The following GK5 variants were observed in gnomAD, a reference collection of about 807,000 sequenced individuals.
GK5 encodes the protein glycerol kinase 5.
A neutral mutation model predicts 77.3 loss-of-function variants in GK5; 39 were observed. That is an observed-to-expected ratio of 0.50 (90% CI 0.39 to 0.66). The LOEUF (loss-of-function observed/expected upper bound fraction) is 0.66, where lower values mean the gene tolerates loss of function less well. Among genes scored for constraint, GK5 ranks in the 30% least tolerant of loss-of-function variants. The pLI, the probability that GK5 is intolerant of heterozygous loss-of-function variation, is 0.00. For synonymous variants in GK5, 211 were observed against 208.0 expected (o/e 1.01, Z -0.13); for missense variants, 487 against 633.8 (o/e 0.77, Z 2.49).
In GK5 at chr3:142,198,065, C is replaced by T. The variant is rs2063962192; in HGVS notation, c.543+737G>A. Among the ~76,000 whole-genome samples, 3 of 151,392 alleles carry T rather than the reference C, an allele frequency of 2.0e-5. No individual in the cohort carries two copies. The South Asian group carries it at 6.3e-4, about 32-fold the overall frequency. Reference sequence around the variant, plus strand: ...GAAGATATATATACACATTCATGCCCTAAAAATTCCATTCCTATGTATAGA... The same window carrying T: ...GAAGATATATATACACATTCATGCCTTAAAAATTCCATTCCTATGTATAGA... On this transcript the variant is annotated intron_variant, in intron 5 of 15. Transcript: ENST00000392993.
In GK5 at chr3:142,198,829, C is replaced by G. The variant is rs1463786466; in HGVS notation, c.516G>C (p.Leu172Phe). ...CAGTCAAGTTCTGTAAAATCCAGACCAATCTCAAAGAAGTCTGCTGGGTTG... is the reference window on the plus strand; with the variant it reads ...CAGTCAAGTTCTGTAAAATCCAGACGAATCTCAAAGAAGTCTGCTGGGTTG... ...TFTTQQTSLR[L>F]VWILQNLTEV... The change falls in exon 5 of 16, where the codon TTG becomes TTC. Residue 172 changes from leucine (L) to phenylalanine (F), a missense_variant. Transcript: ENST00000392993. 3.1e-6 allele frequency: 5 copies of G among 1,611,790 alleles called. No homozygotes were observed. The African/African-American group carries it at 6.7e-5, about 22-fold the overall frequency.
chr3:142,178,367 A>C (rs2063650110), intron 11 of GK5, among the ~76,000 whole-genome samples: 2 of 152,326 alleles, frequency 1.3e-5, no homozygotes, highest in African/African-American at 4.8e-5. Context: ...ATTAAAAGTC[A>C]ATTTTTAAAA....
intron 3 of GK5, among the ~76,000 whole-genome samples, chr3:142,208,125 AT>A (rs1174490773): frequency 6.6e-6 from 1 of 152,150 alleles, no homozygotes; most frequent in Non-Finnish European, 1.5e-5. Context: ...TTTTTCAGAC[AT>A]TTTTTAAATG....
At chr3:142,211,087 C>T (rs985607157) in intron 3 of GK5, among the ~76,000 whole-genome samples, 1 of 152,074 alleles carries the variant, frequency 6.6e-6, no homozygotes, top group Non-Finnish European at 1.5e-5. Context: ...AGAGAACACA[C>T]CTATTTTTTG....
intron 11 of GK5, 28 bp from the exon 12 acceptor site, chr3:142,177,604 C>T: frequency 7.1e-7 from 1 of 1,402,792 alleles, no homozygotes; most frequent in Non-Finnish European, 1.0e-6. Context: ...CAACAAAAAA[C>T]CCTAAAACAA....
rs966787679 is a variant in GK5 at position 142,163,899 on chromosome 3, A to C, written c.*1723T>G. On this transcript the variant is annotated 3_prime_UTR_variant, in exon 16 of 16. Transcript: ENST00000392993. ...AGAATGTGTAACAGTAAAACAACAGAGCAGCTTCCATGTGATTTTGATAGG... is the reference window on the plus strand; with the variant it reads ...AGAATGTGTAACAGTAAAACAACAGCGCAGCTTCCATGTGATTTTGATAGG... 1 of 152,128 alleles carries C rather than the reference A, an allele frequency of 6.6e-6. No homozygotes were observed. Among genetic ancestry groups the C allele is most frequent in the African/African-American group, 2.4e-5 (1 of 41,436 alleles). 9.4% of individuals were successfully genotyped at this position (152,128 alleles called of 1,614,324 possible). A position where few individuals can be genotyped will look rare whatever the true frequency, so the allele number is the denominator to read the frequency against.
intron 12 of GK5, among the ~76,000 whole-genome samples, chr3:142,173,678 C>T (rs1056000448): frequency 1.4e-5 from 2 of 141,028 alleles, no homozygotes; most frequent in South Asian, 2.3e-4. Context: ...AGCAAGACTC[C>T]GTCTCAAAAC....
Position 142,225,377 on chromosome 3 carries a change from C to T in GK5, c.79G>A (p.Gly27Ser). 6.3e-7 allele frequency: 1 copy of T among 1,591,864 alleles called. No individual in the cohort carries two copies. Among genetic ancestry groups the T allele is most frequent in the Middle Eastern group, 1.7e-4 (1 of 5,982 alleles). ...ACGTGGCAGCGGATCACAGAACTGC[C>T]CACATCCAGCCCCAGCACGAAGCCG... Reference protein sequence around the residue: ...YPGFVLGLDVGSSVIRCHVYD... With the variant: ...YPGFVLGLDVSSSVIRCHVYD... The change falls in exon 1 of 16, where the codon GGC becomes AGC. Residue 27 changes from glycine to serine, a missense_variant. Gly to Ser is a moderately conservative substitution (Grantham distance 56). This residue lies in a region of GK5 where 97 missense variants were observed against 86.9 expected (regional missense o/e 1.12). Coordinates refer to ENST00000392993, the MANE Select transcript of GK5 (RefSeq NM_001039547.3).
chr3:142,205,425 C>T (rs1331897631), intron 3 of GK5, among the ~76,000 whole-genome samples: 1 of 152,246 alleles, frequency 6.6e-6, no homozygotes, highest in Admixed American at 6.5e-5. Flanking sequence ...CCTGTGAGAC[C>T]TGAACCATGT....
At chr3:142,184,085 C>A (rs547270881) in intron 9 of GK5, among the ~76,000 whole-genome samples, 127 of 150,994 alleles carry the variant, frequency 8.4e-4, no homozygotes, top group African/African-American at 3.0e-3. Flanking sequence ...GGTGAAACCC[C>A]ATCTCTACTA....
At chr3:142,173,557 G>A (rs1422915550) in intron 12 of GK5, among the ~76,000 whole-genome samples, 2 of 152,102 alleles carry the variant, frequency 1.3e-5, no homozygotes, top group South Asian at 2.1e-4. Context: ...GGTGGCGGGC[G>A]CCTGTAGTCC....
intron 1 of GK5, among the ~76,000 whole-genome samples, chr3:142,221,895 T>C (rs913283312): frequency 7.9e-5 from 12 of 152,238 alleles, no homozygotes; most frequent in South Asian, 2.1e-4. Flanking sequence ...AGAAGTAAGA[T>C]TGACGTCTTC....
chr3:142,180,211 T>C (rs915310153), intron 11 of GK5, among the ~76,000 whole-genome samples: 2 of 152,166 alleles, frequency 1.3e-5, no homozygotes, highest in Non-Finnish European at 2.9e-5. Context: ...CTGGCAATCC[T>C]GTGGCTGCAG....
Position 142,225,437 on chromosome 3 carries a change from C to A in GK5, c.19G>T (p.Asp7Tyr), listed in dbSNP as rs762315368. 6.2e-7 allele frequency: 1 copy of A among 1,602,980 alleles called. No individual in the cohort carries two copies. Among genetic ancestry groups the A allele is most frequent in the Admixed American group, 1.7e-5 (1 of 59,588 alleles). ...GGCTCCTGCGCTCTCTGCTCCGGGT[C>A]CGTGAGCAGCCCCGACATCCCGATC... MSGLLT[D>Y]PEQRAQEPRY... The change falls in exon 1 of 16, where the codon GAC becomes TAC. Residue 7 changes from aspartate to tyrosine, a missense_variant. Physicochemically the swap from Asp to Tyr is radical, Grantham distance 160. This residue lies in a region of GK5 where 97 missense variants were observed against 86.9 expected (regional missense o/e 1.12). Transcript: ENST00000392993.
intron 5 of GK5, among the ~76,000 whole-genome samples, chr3:142,196,627 C>CA (rs2063937490): frequency 6.6e-6 from 1 of 151,886 alleles, no homozygotes; most frequent in African/African-American, 2.4e-5. Flanking sequence ...TTGAATTTCC[C>CA]AAGTTTTTTC....
At chr3:142,175,847 TAA>T (rs1307964693) in intron 12 of GK5, among the ~76,000 whole-genome samples, 1 of 142,678 alleles carries the variant, frequency 7.0e-6, no homozygotes, top group Admixed American at 7.0e-5. Flanking sequence ...TATTATTATA[TAA>T]TATATATAAT....
chr3:142,192,763 C>CA (rs201417747), intron 5 of GK5, among the ~76,000 whole-genome samples: 6,549 of 82,694 alleles, frequency 0.079, 225 homozygotes, highest in East Asian at 0.13. Context: ...GACTCTGTCT[C>CA]AAAAAAAAAA....
chr3:142,170,260 G>C, intron 15 of GK5, 65 bp downstream of exon 15: 1 of 1,538,564 alleles, frequency 6.5e-7, no homozygotes, highest in African/African-American at 1.4e-5. Flanking sequence ...AATTTGAGAG[G>C]AGAAATGCTA....
rs115163434 is a variant in GK5, at chr3:142,206,600, T to C, written c.318-1812A>G. On this transcript the variant is annotated intron_variant, in intron 3 of 15. Transcript: ENST00000392993. The stretch of plus-strand genomic sequence containing the variant: ...CCATTTATGAACTGCATTGTTGCTT[T>C]CTTGTTGTTGAATTGTAGGAATTCT... Among the ~76,000 whole-genome samples, 1,081 of 152,322 alleles carry C rather than the reference T, an allele frequency of 7.1e-3. 11 individuals carry two copies. Among genetic ancestry groups the C allele is most frequent in the African/African-American group, 0.024 (1,012 of 41,556 alleles).
Sources: allele counts gnomAD v4.1 joint callset (sites outside exome capture counted in the v4.1 genomes callset), GRCh38; gene constraint gnomAD v4.1.1; regional missense constraint gnomAD v4.1.1; transcripts MANE v1.5; gene names NCBI Gene and HGNC (gene_info 2026-07-23, HGNC 2026-07-21).